The following GPR39 variants were observed in gnomAD, a reference collection of about 807,000 sequenced individuals.
GPR39 encodes the protein zinc sensing receptor.
In GPR39, 23 loss-of-function variants were observed where a neutral mutation model predicts 18.4. The observed-to-expected ratio is 1.25, with a 90% CI of 0.90 to 1.77. GPR39 has a LOEUF of 1.77. Among genes scored for constraint, GPR39 ranks in the 40% most tolerant of loss-of-function variants. The pLI is 0.00. For missense variants in GPR39, 647 were observed against 602.4 expected (o/e 1.07, Z -0.78); for synonymous variants, 280 against 257.9 (o/e 1.09, Z -0.82).
At chr2:132,587,507 C>G (rs540215026) in intron 1 of GPR39, among the ~76,000 whole-genome samples, 7 of 152,188 alleles carry the variant, frequency 4.6e-5, no homozygotes, top group Non-Finnish European at 7.4e-5. Flanking sequence ...AGTGTCTTTG[C>G]TTTCTTGATT....
At chr2:132,552,790 GTA>G (rs998415526) in intron 1 of GPR39, among the ~76,000 whole-genome samples, 10 of 121,796 alleles carry the variant, frequency 8.2e-5, no homozygotes, top group Non-Finnish European at 1.1e-4. Context: ...CTACCAATGT[GTA>G]TATATGTGTG....
intron 1 of GPR39, among the ~76,000 whole-genome samples, chr2:132,427,912 T>C (rs1057355734): frequency 6.8e-6 from 1 of 146,502 alleles, no homozygotes; most frequent in African/African-American, 2.5e-5. Flanking sequence ...TATAAAATTA[T>C]ATTTAAATAT....
intron 1 of GPR39, among the ~76,000 whole-genome samples, chr2:132,519,154 G>C (rs552792260): frequency 1.3e-5 from 2 of 152,280 alleles, no homozygotes; most frequent in Admixed American, 6.5e-5. Flanking sequence ...TACAGTCTCT[G>C]TGAATTGGCT....
At chr2:132,476,607 G>T (rs540945509) in intron 1 of GPR39, among the ~76,000 whole-genome samples, 84 of 118,246 alleles carry the variant, frequency 7.1e-4, no homozygotes, top group Non-Finnish European at 8.6e-4. Flanking sequence ...CTGCACTCCA[G>T]CCTGGGTAAC....
intron 1 of GPR39, among the ~76,000 whole-genome samples, chr2:132,447,088 T>C (rs1680550537): frequency 6.6e-6 from 1 of 152,182 alleles, no homozygotes; most frequent in Non-Finnish European, 1.5e-5. Context: ...AAATTGCTCA[T>C]TAGCAGAATC....
chr2:132,553,834 G>A (rs1357341867), intron 1 of GPR39, among the ~76,000 whole-genome samples: 1 of 152,106 alleles, frequency 6.6e-6, no homozygotes, highest in Non-Finnish European at 1.5e-5. Flanking sequence ...TTGACCCAGT[G>A]AGCATGAGTC....
intron 1 of GPR39, among the ~76,000 whole-genome samples, chr2:132,468,867 C>T (rs1296756456): frequency 6.6e-6 from 1 of 152,124 alleles, no homozygotes; most frequent in Non-Finnish European, 1.5e-5. Context: ...GCTTGTCTTT[C>T]CTCCTCCCCA....
At chr2:132,552,671 T>G (rs1680064012) in intron 1 of GPR39, among the ~76,000 whole-genome samples, 1 of 151,924 alleles carries the variant, frequency 6.6e-6, no homozygotes, top group African/African-American at 2.4e-5. Flanking sequence ...ATCTGGAAGT[T>G]CGGCATCCTT....
At chr2:132,620,156 G>A (rs933929015) in intron 1 of GPR39, among the ~76,000 whole-genome samples, 1 of 152,188 alleles carries the variant, frequency 6.6e-6, no homozygotes, top group African/African-American at 2.4e-5. Flanking sequence ...AGGCCCAGAG[G>A]TCTGTGCTTG....
intron 1 of GPR39, among the ~76,000 whole-genome samples, chr2:132,617,436 T>G (rs1326051131): frequency 6.6e-6 from 1 of 152,180 alleles, no homozygotes; most frequent in African/African-American, 2.4e-5. Context: ...TTTAGAACAC[T>G]TTAGTCATTG....
intron 1 of GPR39, among the ~76,000 whole-genome samples, chr2:132,617,078 T>C (rs1280975427): frequency 1.3e-5 from 2 of 152,248 alleles, no homozygotes; most frequent in Admixed American, 1.3e-4. Context: ...CAACGTAGCC[T>C]TGGGTCTTCC....
chr2:132,448,371 A>G (rs1680575283), intron 1 of GPR39, among the ~76,000 whole-genome samples: 1 of 152,230 alleles, frequency 6.6e-6, no homozygotes, highest in African/African-American at 2.4e-5. Flanking sequence ...AAAACACAAA[A>G]GGCTTTCTCT....
chr2:132,506,530 G>A (rs545483297), intron 1 of GPR39, among the ~76,000 whole-genome samples: 1 of 152,152 alleles, frequency 6.6e-6, no homozygotes, highest in African/African-American at 2.4e-5. Context: ...AAGAAAAGAG[G>A]TTTAATTGAC....
At chr2:132,637,789 C>G (rs1558867073) in intron 1 of GPR39, among the ~76,000 whole-genome samples, 1 of 152,206 alleles carries the variant, frequency 6.6e-6, no homozygotes, top group Non-Finnish European at 1.5e-5. Context: ...CTCCCAATGC[C>G]TCTCTGCCTT....
chr2:132,545,701 TGAC>T (rs908840219), intron 1 of GPR39, among the ~76,000 whole-genome samples: 20 of 149,356 alleles, frequency 1.3e-4, no homozygotes, highest in African/African-American at 4.6e-4. Context: ...CACCTGATGA[TGAC>T]AATTCTTCTC....
chr2:132,559,265 T>C (rs116165091), intron 1 of GPR39, among the ~76,000 whole-genome samples: 3 of 152,284 alleles, frequency 2.0e-5, no homozygotes, highest in East Asian at 1.9e-4. Flanking sequence ...GAGTGAGATA[T>C]GGCTTTGTAA....
intron 1 of GPR39, among the ~76,000 whole-genome samples, chr2:132,549,076 C>T (rs1448327784): frequency 6.6e-6 from 1 of 152,170 alleles, no homozygotes; most frequent in African/African-American, 2.4e-5. Context: ...CTCTTCTCTC[C>T]TTAATGGTGT....
chr2:132,525,728 G>A (rs961350759), intron 1 of GPR39, among the ~76,000 whole-genome samples: 1 of 152,204 alleles, frequency 6.6e-6, no homozygotes, highest in Non-Finnish European at 1.5e-5. Context: ...TGGCAGTGGA[G>A]GCACAAATAT....
intron 1 of GPR39, among the ~76,000 whole-genome samples, chr2:132,520,131 T>C (rs2315597): frequency 6.6e-6 from 1 of 151,882 alleles, no homozygotes; most frequent in East Asian, 1.9e-4. Context: ...CCTGTAATCA[T>C]TCCTTTCCTC....
Sources: allele counts gnomAD v4.1 joint callset (sites outside exome capture counted in the v4.1 genomes callset), GRCh38; gene constraint gnomAD v4.1.1; transcripts MANE v1.5; gene names NCBI Gene and HGNC (gene_info 2026-07-23, HGNC 2026-07-21).